The following COPZ1 variants were observed in gnomAD, a reference collection of about 807,000 sequenced individuals.
The protein encoded by COPZ1 is coatomer subunit zeta-1.
A neutral mutation model predicts 31.7 loss-of-function variants in COPZ1; 4 were observed. The observed-to-expected ratio is 0.13, with a 90% confidence interval of 0.06 to 0.29. The LOEUF is 0.29. Ranked by LOEUF, COPZ1 falls within the 10% of genes least tolerant of loss-of-function variation. The probability of loss-of-function intolerance (pLI) is 1.00; values close to 1 mark genes in which losing one functional copy is unlikely to be tolerated. For synonymous variants in COPZ1, 74 were observed against 79.0 expected, an observed-to-expected ratio of 0.94 and a Z score of 0.33; for missense variants, 156 against 211.5, an observed-to-expected ratio of 0.74 and a Z score of 1.63.
intron 4 of COPZ1, chr12:54,345,196 A>G (rs1320905987): frequency 4.9e-6 from 2 of 412,170 alleles, no homozygotes; most frequent in Non-Finnish European, 8.9e-6. Flanking sequence ...ACAGTTGGTG[A>G]AGACATTGTA....
rs547937862 is a variant in COPZ1 at position 54,346,949 on chromosome 12, G to A, written c.318-818G>A. Among the ~76,000 whole-genome samples the A allele has an allele frequency of 7.2e-5, 11 of 152,198 alleles. No homozygotes were observed. In the East Asian group the frequency reaches 1.9e-3, roughly 27 times the overall value. On this transcript the variant is annotated intron_variant, in intron 5 of 8. Coordinates refer to ENST00000262061, the MANE Select transcript of COPZ1 (RefSeq NM_016057.3). ...ACTAGCCCTCTGTTCTCTGTTACCCGTGTAGATGGGTAATAGAAGAGATAT... is the reference window on the plus strand; with the variant it reads ...ACTAGCCCTCTGTTCTCTGTTACCCATGTAGATGGGTAATAGAAGAGATAT...
intron 7 of COPZ1, among the ~76,000 whole-genome samples, chr12:54,349,326 G>A (rs1954110736): frequency 6.6e-6 from 1 of 152,148 alleles, no homozygotes; most frequent in African/African-American, 2.4e-5. Flanking sequence ...CCACCCCCAC[G>A]TTAAGGGAGT....
intron 4 of COPZ1, among the ~76,000 whole-genome samples, chr12:54,344,207 T>A (rs1954021470): frequency 6.6e-6 from 1 of 152,186 alleles, no homozygotes; most frequent in Non-Finnish European, 1.5e-5. Context: ...TCCCAGCACT[T>A]TGGGAGGCCA....
At position 54,342,300 on chromosome 12, in the gene COPZ1, C is replaced by T. The variant is rs1330616807; in HGVS notation, c.169+13C>T. The T allele has an allele frequency of 2.5e-6, 4 of 1,592,798 alleles. No individual in the cohort carries two copies. The Admixed American group carries it at 5.0e-5, about 20-fold the overall frequency. ...CATCGGACTGACAGTAGGTCATTTT[C>T]CTTTCACTACTACCCGTGCTGGGGG... is the stretch of plus-strand genomic sequence containing the variant. On this transcript the variant is annotated intron_variant, in intron 3 of 8. Coordinates refer to ENST00000262061, the MANE Select transcript of COPZ1 (RefSeq NM_016057.3).
rs543630254 is a variant in COPZ1 at position 54,337,468 on chromosome 12, C to T, written c.19-3079C>T. 3.0e-4 allele frequency among the ~76,000 whole-genome samples: 45 copies of T among 152,330 alleles called. 1 individual carries two copies. Among genetic ancestry groups the T allele is most frequent in the African/African-American group, 1.0e-3 (43 of 41,572 alleles). The stretch of plus-strand genomic sequence containing the variant: ...GTCCTGGAAGCCCATTTCTCAGTAG[C>T]TGGGAGTTATTTATAAACTTGCCCT... On this transcript the variant is annotated intron_variant, in intron 1 of 8. Transcript: ENST00000262061.
chr12:54,339,536 T>C (rs1035979518), intron 1 of COPZ1, among the ~76,000 whole-genome samples: 6 of 151,952 alleles, frequency 3.9e-5, no homozygotes, highest in Non-Finnish European at 8.8e-5. Flanking sequence ...TTTGTAGAGA[T>C]GGGGGGTCTC....
At chr12:54,343,183 A>T in intron 3 of COPZ1, 42 bp from the exon 4 acceptor site, 1 of 1,493,232 alleles carries the variant, frequency 6.7e-7, no homozygotes, top group Non-Finnish European at 9.3e-7. Context: ...CTACTTCCTT[A>T]TCTCAAGCCA....
intron 1 of COPZ1, among the ~76,000 whole-genome samples, chr12:54,329,110 A>G (rs1408013390): frequency 2.0e-5 from 3 of 152,090 alleles, no homozygotes; most frequent in Non-Finnish European, 4.4e-5. Context: ...TTTAGTTCCC[A>G]ATGCTTAATA....
intron 1 of COPZ1, among the ~76,000 whole-genome samples, chr12:54,328,498 A>G (rs1565588243): frequency 6.6e-6 from 1 of 151,986 alleles, no homozygotes; most frequent in Non-Finnish European, 1.5e-5. Context: ...CCTGGGAGGC[A>G]GAGGTCGCGG....
chr12:54,344,406 C>G (rs1285268126), intron 4 of COPZ1, among the ~76,000 whole-genome samples: 3 of 152,134 alleles, frequency 2.0e-5, no homozygotes, highest in African/African-American at 7.2e-5. Context: ...AGTGAAACCC[C>G]ATGTCTACTA....
intron 1 of COPZ1, 178 bp downstream of exon 1, chr12:54,325,359 T>A: frequency 1.2e-6 from 1 of 815,260 alleles, no homozygotes; most frequent in Non-Finnish European, 1.9e-6. Context: ...TGGTTTAGAG[T>A]AGGAAGCCCT....
chr12:54,329,275 C>G (rs1224850837), intron 1 of COPZ1, among the ~76,000 whole-genome samples: 1 of 152,078 alleles, frequency 6.6e-6, no homozygotes, highest in Non-Finnish European at 1.5e-5. Context: ...TTTCCCCTTC[C>G]TCCTTCCTGC....
At chr12:54,339,257 T>TAAAAA (rs72213270) in intron 1 of COPZ1, among the ~76,000 whole-genome samples, 3 of 120,212 alleles carry the variant, frequency 2.5e-5, no homozygotes, top group African/African-American at 3.1e-5. Context: ...CCTTTTCTCT[T>TAAAAA]AAAAAAAAAA....
intron 7 of COPZ1, among the ~76,000 whole-genome samples, chr12:54,348,608 G>A (rs143465245): frequency 3.3e-5 from 5 of 152,174 alleles, no homozygotes; most frequent in East Asian, 1.9e-4. Flanking sequence ...ATGGTGGTGC[G>A]TGCCTGTGAT....
intron 1 of COPZ1, among the ~76,000 whole-genome samples, chr12:54,330,244 A>T (rs904878450): frequency 2.0e-5 from 3 of 152,130 alleles, no homozygotes; most frequent in Non-Finnish European, 4.4e-5. Flanking sequence ...GGGTTATTGC[A>T]CACCTAGTTT....
intron 1 of COPZ1, among the ~76,000 whole-genome samples, chr12:54,328,275 CA>C (rs35785237): frequency 1.6e-3 from 178 of 111,510 alleles, no homozygotes; most frequent in Admixed American, 3.3e-3. Context: ...GACTCCATCT[CA>C]AAAAAAAAAA....
Position 54,326,124 on chromosome 12 carries a change from A to AATTATT in COPZ1, c.18+968_18+973dup, listed in dbSNP as rs377508362. Among the ~76,000 whole-genome samples, 649 of 139,164 alleles carry AATTATT rather than the reference A, an allele frequency of 4.7e-3. 2 individuals are homozygous for AATTATT. Among genetic ancestry groups the AATTATT allele is most frequent in the African/African-American group, 0.015 (561 of 37,676 alleles). The allele number at this position is 139,164 out of a possible 152,430, so 91.3% of individuals were successfully genotyped here. A position where few individuals can be genotyped will look rare whatever the true frequency, so the allele number is the denominator to read the frequency against. On this transcript the variant is annotated intron_variant, in intron 1 of 8. Coordinates refer to ENST00000262061, the MANE Select transcript of COPZ1 (RefSeq NM_016057.3). The stretch of plus-strand genomic sequence containing the variant: ...GCTTGAACCACCGCGCCTGGCCAGG[A>AATTATT]ATTATTATTATTATTATTATTATTA...
chr12:54,343,186 T>C (rs562334324), intron 3 of COPZ1, 39 bp from the exon 4 acceptor site: 26 of 1,523,672 alleles, frequency 1.7e-5, no homozygotes, highest in Non-Finnish European at 2.3e-5. Flanking sequence ...CTTCCTTATC[T>C]CAAGCCACCC....
chr12:54,350,986 T>C lies in COPZ1; in HGVS notation c.*463T>C, dbSNP rs992282904. ...TCTATAGAACGAGTGGGGGCGGGGA[T>C]GGGTAGGGATTTATCCAATCTAAGC... On this transcript the variant is annotated 3_prime_UTR_variant, in exon 9 of 9. Transcript: ENST00000262061. 1 of 185,030 alleles carries C rather than the reference T, an allele frequency of 5.4e-6. No individual in the cohort carries two copies. Among genetic ancestry groups the C allele is most frequent in the African/African-American group, 2.3e-5 (1 of 43,028 alleles). 11.5% of individuals were successfully genotyped at this position (185,030 alleles called of 1,614,324 possible). A position where few individuals can be genotyped will look rare whatever the true frequency, so the allele number is the denominator to read the frequency against.
Sources: allele counts gnomAD v4.1 joint callset (sites outside exome capture counted in the v4.1 genomes callset), GRCh38; gene constraint gnomAD v4.1.1; transcripts MANE v1.5; gene names NCBI Gene and HGNC (gene_info 2026-07-23, HGNC 2026-07-21).